Variants in BTN3A1 observed in about 807,000 individuals in gnomAD.
The protein encoded by BTN3A1 is butyrophilin subfamily 3 member A1, also known as dJ45P21.3 (butyrophilin, subfamily 3, member A1).
BTN3A1 carries 24 observed loss-of-function variants against 43.0 expected under a neutral mutation model. The observed-to-expected ratio is 0.56, with a 90% CI of 0.40 to 0.78. The LOEUF (loss-of-function observed/expected upper bound fraction) is 0.78. Ranked by LOEUF, BTN3A1 falls within the 30% of genes least tolerant of loss-of-function variation. The pLI is 0.00. For missense variants in BTN3A1, 533 were observed against 626.2 expected (o/e 0.85, Z 1.59); for synonymous variants, 181 against 234.7 (o/e 0.77, Z 2.09).
At chr6:26,411,272 G>C in intron 8 of BTN3A1, 137 bp downstream of exon 8, 1 of 1,233,010 alleles carries the variant, frequency 8.1e-7, no homozygotes, top group Non-Finnish European at 1.1e-6. Flanking sequence ...TGTGTTGTGG[G>C]GGGTTGATTT....
rs777135479 is a variant in BTN3A1 at position 26,413,413 on chromosome 6, G to C, written c.1263G>C (p.Trp421Cys). ...GTAAGAATGTGCAGAGAAAAGGCTG[G>C]GTCAAAATGACACCTGAGAATGGAT... ...VCSKNVQRKG[W>C]VKMTPENGFW... Residue 421 changes from tryptophan to cysteine, a missense_variant, in exon 10 of 10, where the codon TGG (tryptophan) becomes TGC (cysteine). Trp to Cys is a radical substitution (Grantham distance 215). Around this residue, in one of 4 missense-constraint regions of BTN3A1, gnomAD observed 415 missense variants for 427.0 expected, o/e 0.97. Transcript: ENST00000289361. The C allele has an allele frequency of 1.2e-6, 2 of 1,613,764 alleles. No homozygotes were observed. Among genetic ancestry groups the C allele is most frequent in the East Asian group, 2.2e-5 (1 of 44,868 alleles).
At chr6:26,411,462 A>G in intron 8 of BTN3A1, 93 bp from the exon 9 acceptor site, 1 of 1,458,518 alleles carries the variant, frequency 6.9e-7, no homozygotes, top group Non-Finnish European at 9.5e-7. Context: ...GACTCTGAAG[A>G]AAAGGAGAGA....
rs200068064 is a variant in BTN3A1 at position 26,413,408 on chromosome 6, G to C, written c.1258G>C (p.Gly420Arg). 4.1e-5 allele frequency: 66 copies of C among 1,614,016 alleles called. No individual in the cohort carries two copies. Among genetic ancestry groups the C allele is most frequent in the Non-Finnish European group, 2.9e-5 (34 of 1,179,998 alleles). ...GTGCAGTAAGAATGTGCAGAGAAAAGGCTGGGTCAAAATGACACCTGAGAA... is the reference window on the plus strand; with the variant it reads ...GTGCAGTAAGAATGTGCAGAGAAAACGCTGGGTCAAAATGACACCTGAGAA... ...GVCSKNVQRK[G>R]WVKMTPENGF... The change falls in exon 10 of 10, where the codon GGC (glycine) becomes CGC (arginine). Residue 420 changes from glycine to arginine, a missense_variant. Transcript: ENST00000289361.
chr6:26,405,860 G>T, intron 2 of BTN3A1, 49 bp from the exon 3 acceptor site: 1 of 1,613,040 alleles, frequency 6.2e-7, no homozygotes, highest in South Asian at 1.1e-5. Context: ...TTCCTCTCAT[G>T]ACCCCAACTC....
chr6:26,413,012 T>C, intron 9 of BTN3A1, 157 bp from the exon 10 acceptor site: 1 of 1,472,044 alleles, frequency 6.8e-7, no homozygotes, highest in South Asian at 1.5e-5. Context: ...TGGGGCTTTC[T>C]CTCCTGACAT....
chr6:26,407,774 G>T lies in BTN3A1; in HGVS notation c.537G>T (p.Trp179Cys), dbSNP rs1158598624. ...TGWYPQPQIQ[W>C]SNNKGENIPT... ...GGTACCCCCAACCCCAAATACAGTGGAGCAACAACAAGGGAGAGAACATCC... is the reference window on the plus strand; with the variant it reads ...GGTACCCCCAACCCCAAATACAGTGTAGCAACAACAAGGGAGAGAACATCC... The change falls in exon 4 of 10, where the codon TGG becomes TGT. Residue 179 changes from tryptophan to cysteine, a missense_variant. Around this residue, in one of 4 missense-constraint regions of BTN3A1, gnomAD observed 415 missense variants for 427.0 expected, o/e 0.97. Coordinates refer to ENST00000289361, the MANE Select transcript of BTN3A1 (RefSeq NM_007048.6). The T allele has an allele frequency of 6.2e-7, 1 of 1,614,168 alleles. No homozygotes were observed. The highest frequency in any genetic ancestry group is 8.5e-7 in the Non-Finnish European group (1 of 1,180,028).
chr6:26,410,968 A>C, intron 7 of BTN3A1, 141 bp from the exon 8 acceptor site: 1 of 660,516 alleles, frequency 1.5e-6, no homozygotes, highest in South Asian at 2.5e-5. Context: ...AATAGAAAGA[A>C]TTGAACCTGC....
rs973409411 is a variant in BTN3A1 at position 26,407,805 on chromosome 6, G to A, written c.568G>A (p.Val190Met). ...CAACAAGGGAGAGAACATCCCGACT[G>A]TGGAAGCACCTGTGGTTGCAGACGG... ...SNNKGENIPTVEAPVVADGVG... is the reference protein window; with the variant it reads ...SNNKGENIPTMEAPVVADGVG... Residue 190 changes from valine to methionine, a missense_variant, in exon 4 of 10, where the codon GTG becomes ATG. Val to Met is a conservative substitution (Grantham distance 21, BLOSUM62 1). This residue lies in a region of BTN3A1 where 415 missense variants were observed against 427.0 expected (regional missense o/e 0.97). Transcript: ENST00000289361. 1.2e-6 allele frequency: 2 copies of A among 1,614,234 alleles called. No homozygotes were observed. Among genetic ancestry groups the A allele is most frequent in the African/African-American group, 1.3e-5 (1 of 75,060 alleles).
Position 26,405,937 on chromosome 6 carries a change from G to A in BTN3A1, c.114G>A (p.Gly38=), listed in dbSNP as rs762580249. The A allele has an allele frequency of 2.5e-6, 4 of 1,613,458 alleles. No individual in the cohort carries two copies. The highest frequency in any genetic ancestry group is 4.5e-5 in the East Asian group (2 of 44,886). The change falls in exon 3 of 10, where the codon GGG becomes GGA. Residue 38 remains glycine (G), a synonymous_variant. Coordinates refer to ENST00000289361, the MANE Select transcript of BTN3A1 (RefSeq NM_007048.6). Reference sequence around the variant, plus strand: ...AGTTTTCTGTGCTTGGACCCTCTGGGCCCATCCTGGCCATGGTGGGTGAAG... The same window carrying A: ...AGTTTTCTGTGCTTGGACCCTCTGGACCCATCCTGGCCATGGTGGGTGAAG... ...SAQFSVLGPS[G]PILAMVGEDA... is the part of the protein sequence containing the mutation.
At chr6:26,412,812 A>G in intron 9 of BTN3A1, 1 of 1,550,114 alleles carries the variant, frequency 6.5e-7, no homozygotes, top group East Asian at 2.4e-5. Flanking sequence ...GGTCGAATGA[A>G]GGTTGAAAAT....
In BTN3A1 at chr6:26,409,998, C is replaced by A; in HGVS notation, c.938-8C>A. 6.2e-7 allele frequency: 1 copy of A among 1,614,144 alleles called. No homozygotes were observed. The highest frequency in any genetic ancestry group is 8.5e-7 in the Non-Finnish European group (1 of 1,180,036). On this transcript the variant is annotated splice_polypyrimidine_tract_variant and splice_region_variant and intron_variant, in intron 6 of 9. Transcript: ENST00000289361. Reference sequence around the variant, plus strand: ...TTGATGCATCTTCCCCTGTTCCTTCCGTTGCAGGATGGAGAAGTATCCAGT... The same window carrying A: ...TTGATGCATCTTCCCCTGTTCCTTCAGTTGCAGGATGGAGAAGTATCCAGT...
intron 8 of BTN3A1, 139 bp downstream of exon 8, chr6:26,411,274 G>T (rs1762208547): frequency 3.3e-6 from 4 of 1,217,598 alleles, no homozygotes; most frequent in East Asian, 2.4e-5. Context: ...TGTTGTGGGG[G>T]GTTGATTTCT....
At position 26,412,861 on chromosome 6, in the gene BTN3A1, A is replaced by G. The variant is rs1027051211; in HGVS notation, c.1019-308A>G. The G allele has an allele frequency of 2.6e-6, 4 of 1,514,576 alleles. No individual in the cohort carries two copies. In the African/African-American group the frequency reaches 5.6e-5, roughly 21 times the overall value. 93.8% of individuals were successfully genotyped at this position (1,514,576 alleles called of 1,614,324 possible). On this transcript the variant is annotated intron_variant, in intron 9 of 9. Transcript: ENST00000289361. ...TAAAGCATTAGTGGGCAGAGTGAAT[A>G]TGGGGAGGGAAACAAGAAAAACGTA...
intron 2 of BTN3A1, 32 bp from the exon 3 acceptor site, chr6:26,405,877 C>T (rs780796693): frequency 1.9e-6 from 3 of 1,613,426 alleles, no homozygotes; most frequent in Non-Finnish European, 2.5e-6. Flanking sequence ...ACTCCAAAAC[C>T]CTCTGACAGA....
At chr6:26,411,224 A>AT in intron 8 of BTN3A1, 89 bp downstream of exon 8, 1 of 1,471,174 alleles carries the variant, frequency 6.8e-7, no homozygotes, top group South Asian at 1.3e-5. Flanking sequence ...TGATGTTCTC[A>AT]TTTGCATGAA....
intron 1 of BTN3A1, chr6:26,404,190 G>T (rs1487401136): frequency 6.6e-6 from 1 of 152,218 alleles, no homozygotes; most frequent in Non-Finnish European, 1.5e-5. Flanking sequence ...ATGGCTGCAG[G>T]CCTCATGCTC....
In BTN3A1 at chr6:26,413,240, C is replaced by T. The variant is rs766874119; in HGVS notation, c.1090C>T (p.Arg364Cys). ...LVSEDQRSVQ[R>C]AKEPQDLPDN... ...TTCTGAGGACCAGAGGAGTGTGCAG[C>T]GTGCCAAGGAGCCCCAGGATCTGCC... is the stretch of plus-strand genomic sequence containing the variant. Residue 364 changes from arginine to cysteine, a missense_variant, in exon 10 of 10, where the codon CGT becomes TGT. This residue lies in a region of BTN3A1 where 415 missense variants were observed against 427.0 expected (regional missense o/e 0.97). Transcript: ENST00000289361. 9.9e-6 allele frequency: 16 copies of T among 1,614,030 alleles called. No homozygotes were observed. The highest frequency in any genetic ancestry group is 1.3e-5 in the African/African-American group (1 of 74,910).
intron 5 of BTN3A1, 52 bp downstream of exon 5, chr6:26,409,785 A>G: frequency 1.3e-6 from 2 of 1,596,708 alleles, no homozygotes; most frequent in East Asian, 2.2e-5. Context: ...GCCAAAGCCC[A>G]AAGACCTCAC....
chr6:26,408,021 G>A, intron 4 of BTN3A1, 69 bp downstream of exon 4: 1 of 1,587,076 alleles, frequency 6.3e-7, no homozygotes, highest in Non-Finnish European at 8.6e-7. Flanking sequence ...GGAGGTGTTA[G>A]TGTCTGCAGT....
Sources: allele counts gnomAD v4.1 joint callset, GRCh38; gene constraint gnomAD v4.1.1; regional missense constraint gnomAD v4.1.1; transcripts MANE v1.5; gene names NCBI Gene and HGNC (gene_info 2026-07-23, HGNC 2026-07-21).